The following DNAH7 variants were observed in gnomAD, a reference collection of about 807,000 sequenced individuals.
The protein encoded by DNAH7 is dynein axonemal heavy chain 7.
DNAH7 carries 397 observed loss-of-function variants against 444.6 expected under a neutral mutation model. That is an observed-to-expected ratio of 0.89 (90% CI 0.82 to 0.97). DNAH7 has a LOEUF of 0.97. DNAH7 is among the 50% of genes least tolerant of loss of function. The pLI is 0.00. For missense variants in DNAH7, 4,902 were observed against 4,800.8 expected (o/e 1.02, Z -0.62); for synonymous variants, 1,636 against 1,624.4 (o/e 1.01, Z -0.17).
chr2:196,066,567 GT>G (rs1698441683), intron 1 of DNAH7, among the ~76,000 whole-genome samples: 1 of 152,096 alleles, frequency 6.6e-6, no homozygotes, highest in Admixed American at 6.6e-5. Flanking sequence ...ACCTCTCAAA[GT>G]TTTTCAACTG....
chr2:195,778,721 T>TATATATACAC (rs1559089984), intron 58 of DNAH7, among the ~76,000 whole-genome samples: 11 of 42,756 alleles, frequency 2.6e-4, no homozygotes, highest in African/African-American at 5.2e-4. Flanking sequence ...TATATACACA[T>TATATATACAC]ATATATATAC....
At chr2:195,921,395 C>CACACT in intron 24 of DNAH7, among the ~76,000 whole-genome samples, 1 of 115,196 alleles carries the variant, frequency 8.7e-6, no homozygotes, top group Non-Finnish European at 2.0e-5. Context: ...ACACACACAC[C>CACACT]ATGGAATACT....
chr2:195,740,891 T>G, intron 63 of DNAH7, 22 bp from the exon 64 acceptor site: 1 of 1,406,466 alleles, frequency 7.1e-7, no homozygotes. Context: ...AGAAACACAT[T>G]AATATAACAC....
At position 195,799,481 on chromosome 2, in the gene DNAH7, A is replaced by G; in HGVS notation, c.10177-9T>C. The G allele has an allele frequency of 1.3e-6, 2 of 1,572,684 alleles. No individual in the cohort carries two copies. Among genetic ancestry groups the G allele is most frequent in the Non-Finnish European group, 1.7e-6 (2 of 1,160,994 alleles). ...TGCAACATTGGAATAACCTAGAAAG[A>G]GACAAGGATATAGTTGGAAGAATAT... On this transcript the variant is annotated splice_polypyrimidine_tract_variant and intron_variant, in intron 54 of 64. Transcript: ENST00000312428.
At chr2:196,008,445 T>C (rs539667830) in intron 10 of DNAH7, among the ~76,000 whole-genome samples, 1 of 152,242 alleles carries the variant, frequency 6.6e-6, no homozygotes, top group African/African-American at 2.4e-5. Context: ...TCAAGAGAAC[T>C]TAAAAATATA....
intron 36 of DNAH7, 83 bp downstream of exon 36, chr2:195,881,712 T>C (rs1290294553): frequency 7.1e-7 from 1 of 1,410,152 alleles, no homozygotes; most frequent in Non-Finnish European, 9.7e-7. Flanking sequence ...TGAGTATTTT[T>C]AAAAAATTAT....
chr2:195,828,239 C>T (rs541563293), intron 48 of DNAH7, among the ~76,000 whole-genome samples: 10 of 152,122 alleles, frequency 6.6e-5, no homozygotes, highest in Admixed American at 2.0e-4. Flanking sequence ...TATAGTGTTA[C>T]GGCTTAAATT....
chr2:195,852,034 A>G lies in DNAH7; in HGVS notation c.8781+1309T>C, dbSNP rs1036919485. Reference sequence around the variant, plus strand: ...GGCACTTTGGGAGGGCAAGGTGGGCAGATCATAAGGTCAGGAGATTGAGAC... The same window carrying G: ...GGCACTTTGGGAGGGCAAGGTGGGCGGATCATAAGGTCAGGAGATTGAGAC... On this transcript the variant is annotated intron_variant, in intron 46 of 64. Transcript: ENST00000312428. Among the ~76,000 whole-genome samples, 5 of 152,268 alleles carry G rather than the reference A, an allele frequency of 3.3e-5. No homozygotes were observed. In the East Asian group the frequency reaches 7.7e-4, roughly 24 times the overall value.
intron 63 of DNAH7, among the ~76,000 whole-genome samples, chr2:195,746,471 G>C (rs542312354): frequency 9.9e-4 from 151 of 152,280 alleles, no homozygotes; most frequent in African/African-American, 3.6e-3. Flanking sequence ...TCCAGGAATT[G>C]AACTCAGCTC....
intron 61 of DNAH7, among the ~76,000 whole-genome samples, chr2:195,771,266 G>C (rs1356471212): frequency 6.6e-6 from 1 of 152,120 alleles, no homozygotes; most frequent in Non-Finnish European, 1.5e-5. Context: ...CTTGAGCCCA[G>C]GGGTTCATGG....
At chr2:195,896,960 T>C (rs966250174) in intron 29 of DNAH7, among the ~76,000 whole-genome samples, 1 of 152,134 alleles carries the variant, frequency 6.6e-6, no homozygotes, top group Non-Finnish European at 1.5e-5. Context: ...GATAACTATA[T>C]GCAGAAGAAT....
intron 19 of DNAH7, among the ~76,000 whole-genome samples, chr2:195,956,421 C>A (rs538967900): frequency 6.6e-6 from 1 of 152,102 alleles, no homozygotes; most frequent in Non-Finnish European, 1.5e-5. Flanking sequence ...GAGGCCGAGG[C>A]GGGTGGATCA....
At chr2:195,913,366 G>A (rs1407231652) in intron 24 of DNAH7, among the ~76,000 whole-genome samples, 1 of 152,026 alleles carries the variant, frequency 6.6e-6, no homozygotes, top group Non-Finnish European at 1.5e-5. Context: ...TAAGAGAATA[G>A]AAACAGCATC....
chr2:195,754,199 A>G (rs1693953522), intron 63 of DNAH7, 138 bp downstream of exon 63: 11 of 922,526 alleles, frequency 1.2e-5, no homozygotes, highest in East Asian at 2.6e-5. Context: ...CTGTATCTCA[A>G]TAATTTTTTT....
intron 8 of DNAH7, among the ~76,000 whole-genome samples, chr2:196,020,896 G>A (rs1335352650): frequency 1.3e-5 from 2 of 152,166 alleles, no homozygotes; most frequent in African/African-American, 4.8e-5. Flanking sequence ...ACGGGCGTAA[G>A]CCACCGCACT....
intron 24 of DNAH7, among the ~76,000 whole-genome samples, chr2:195,917,654 G>C (rs1687770319): frequency 6.6e-6 from 1 of 151,926 alleles, no homozygotes; most frequent in Non-Finnish European, 1.5e-5. Context: ...CTTTTCTTCT[G>C]AGGAGGCAAG....
intron 17 of DNAH7, among the ~76,000 whole-genome samples, chr2:195,963,735 A>G (rs973408154): frequency 3.9e-5 from 6 of 152,194 alleles, no homozygotes; most frequent in Non-Finnish European, 8.8e-5. Context: ...GTAGTTTCAT[A>G]GTTTGAGGTC....
chr2:195,739,329 T>A (rs969160645), intron 64 of DNAH7, among the ~76,000 whole-genome samples: 1 of 152,210 alleles, frequency 6.6e-6, no homozygotes, highest in Non-Finnish European at 1.5e-5. Flanking sequence ...TCACTGATCC[T>A]GTTACAGTTG....
intron 55 of DNAH7, 118 bp from the exon 56 acceptor site, chr2:195,796,855 A>G: frequency 9.2e-7 from 1 of 1,088,222 alleles, no homozygotes; most frequent in Admixed American, 2.8e-5. Flanking sequence ...ATGTCTCAAA[A>G]AGCCAAACAC....
Sources: allele counts gnomAD v4.1 joint callset (sites outside exome capture counted in the v4.1 genomes callset), GRCh38; gene constraint gnomAD v4.1.1; transcripts MANE v1.5; gene names NCBI Gene and HGNC (gene_info 2026-07-23, HGNC 2026-07-21).